Variants in USH2A observed in about 807,000 individuals in gnomAD.
The protein encoded by USH2A is usherin.
Under a neutral mutation model 538.9 loss-of-function variants are expected in USH2A, and 443 were observed. The observed-to-expected ratio is 0.82, with a 90% confidence interval of 0.76 to 0.89. The LOEUF is 0.89. USH2A is among the 40% of genes least tolerant of loss of function. The pLI, the probability that USH2A is intolerant of heterozygous loss-of-function variation, is 0.00. For synonymous variants in USH2A, 2,413 were observed against 2,273.5 expected (o/e 1.06, Z -1.75); for missense variants, 6,633 against 6,324.8 (o/e 1.05, Z -1.65).
chr1:216,097,513 G>A (rs554530836), intron 21 of USH2A, among the ~76,000 whole-genome samples: 5 of 152,148 alleles, frequency 3.3e-5, no homozygotes, highest in Non-Finnish European at 5.9e-5. Context: ...GATACTCAGA[G>A]TATCAATGTG....
At chr1:216,279,868 G>T (rs961549198) in intron 11 of USH2A, among the ~76,000 whole-genome samples, 1 of 151,998 alleles carries the variant, frequency 6.6e-6, no homozygotes, top group Non-Finnish European at 1.5e-5. Context: ...ACTTTCACCG[G>T]TCTCCCTACC....
intron 21 of USH2A, chr1:216,174,051 T>C: frequency 1.0e-6 from 1 of 985,086 alleles, no homozygotes; most frequent in African/African-American, 1.7e-5. Context: ...GAGTAGTTAA[T>C]CATGCATTAA....
chr1:216,166,336 T>C (rs1432700022), intron 21 of USH2A, among the ~76,000 whole-genome samples: 1 of 151,990 alleles, frequency 6.6e-6, no homozygotes. Flanking sequence ...GACTAAAAAA[T>C]GGTCTAGAGC....
intron 56 of USH2A, 66 bp from the exon 57 acceptor site, chr1:215,759,909 C>G (rs2102742447): frequency 6.3e-7 from 1 of 1,577,510 alleles, no homozygotes; most frequent in Admixed American, 1.7e-5. Context: ...AAAAGTCACA[C>G]CATCCCCCCC....
At chr1:215,938,223 C>T (rs1011549304) in intron 37 of USH2A, among the ~76,000 whole-genome samples, 8 of 152,032 alleles carry the variant, frequency 5.3e-5, no homozygotes, top group African/African-American at 1.9e-4. Flanking sequence ...GTTCTCTCAC[C>T]CCTACAAACA....
intron 47 of USH2A, among the ~76,000 whole-genome samples, chr1:215,836,464 TTATA>T (rs1356176708): frequency 3.6e-5 from 1 of 27,910 alleles, no homozygotes; most frequent in South Asian, 1.1e-3. Flanking sequence ...TGTATATATA[TTATA>T]TATATATATA....
At chr1:216,404,420 T>G (rs2039357747) in intron 3 of USH2A, among the ~76,000 whole-genome samples, 1 of 152,006 alleles carries the variant, frequency 6.6e-6, no homozygotes, top group Non-Finnish European at 1.5e-5. Flanking sequence ...CTCAAGAACA[T>G]GTGGAATTGG....
intron 49 of USH2A, among the ~76,000 whole-genome samples, chr1:215,809,533 A>G (rs2102789197): frequency 6.6e-6 from 1 of 152,204 alleles, no homozygotes; most frequent in Middle Eastern, 3.4e-3. Context: ...TATTAGACAT[A>G]AGATACAAGG....
chr1:215,641,086 T>A (rs1656671538), intron 67 of USH2A, among the ~76,000 whole-genome samples: 1 of 152,108 alleles, frequency 6.6e-6, no homozygotes, highest in African/African-American at 2.4e-5. Context: ...TTTTGTTGCA[T>A]TTTCCCTCTT....
chr1:215,774,301 T>A (rs1322862613), intron 55 of USH2A, among the ~76,000 whole-genome samples: 1 of 151,954 alleles, frequency 6.6e-6, no homozygotes, highest in East Asian at 1.9e-4. Context: ...CTCTCCAATA[T>A]CTTCCTGATC....
At chr1:216,183,086 C>T (rs1233364699) in intron 20 of USH2A, among the ~76,000 whole-genome samples, 1 of 152,074 alleles carries the variant, frequency 6.6e-6, no homozygotes, top group African/African-American at 2.4e-5. Context: ...CACTTTCTTA[C>T]CCTGCTAAGC....
chr1:215,973,732 C>G (rs1667552200), intron 35 of USH2A, among the ~76,000 whole-genome samples: 1 of 149,834 alleles, frequency 6.7e-6, no homozygotes, highest in Non-Finnish European at 1.5e-5. Context: ...GCTAGATAAC[C>G]TTGACATCTG....
chr1:216,269,697 T>C (rs1210041227), intron 11 of USH2A, among the ~76,000 whole-genome samples: 6 of 152,134 alleles, frequency 3.9e-5, no homozygotes, highest in Non-Finnish European at 8.8e-5. Context: ...GTAAGTTTCT[T>C]TGTTAGCACT....
chr1:216,017,754 T>C (rs1223237104), intron 32 of USH2A, among the ~76,000 whole-genome samples: 2 of 152,230 alleles, frequency 1.3e-5, no homozygotes, highest in Non-Finnish European at 2.9e-5. Context: ...TGCTACTTGC[T>C]GTTTGCCAGG....
intron 46 of USH2A, 99 bp downstream of exon 46, chr1:215,844,195 A>G (rs1328982716): frequency 1.6e-6 from 2 of 1,274,992 alleles, no homozygotes; most frequent in Admixed American, 3.8e-5. Flanking sequence ...CAAAGAAATA[A>G]TCTGTAACCA....
intron 11 of USH2A, among the ~76,000 whole-genome samples, chr1:216,268,326 C>T (rs2036513781): frequency 6.6e-6 from 1 of 152,078 alleles, no homozygotes; most frequent in Non-Finnish European, 1.5e-5. Context: ...CTTAAATCTA[C>T]TGAAGTCTTC....
intron 3 of USH2A, among the ~76,000 whole-genome samples, chr1:216,371,852 G>C (rs1279287240): frequency 6.6e-6 from 1 of 152,134 alleles, no homozygotes; most frequent in Non-Finnish European, 1.5e-5. Flanking sequence ...ACAACTCTAA[G>C]CAATAAAGAA....
chr1:216,397,752 C>T (rs1216980635), intron 3 of USH2A, among the ~76,000 whole-genome samples: 2 of 152,348 alleles, frequency 1.3e-5, no homozygotes, highest in African/African-American at 2.4e-5. Flanking sequence ...GTCAGCTTCC[C>T]TGGTTTTGAA....
At chr1:215,948,425 G>GATATATATAT (rs143122492) in intron 37 of USH2A, among the ~76,000 whole-genome samples, 144 of 144,588 alleles carry the variant, frequency 1.0e-3, no homozygotes, top group African/African-American at 3.4e-3. Flanking sequence ...TATTTGTTCA[G>GATATATATAT]ATATATATAT....
Sources: gnomAD v4.1 joint callset for allele counts (sites outside exome capture counted in the v4.1 genomes callset) on GRCh38, gnomAD v4.1.1 for gene constraint, MANE v1.5 for transcripts, NCBI Gene and HGNC (gene_info 2026-07-23, HGNC 2026-07-21) for gene names.